The following NCOA2 variants were observed in gnomAD, a reference collection of about 807,000 sequenced individuals.
NCOA2 encodes the protein nuclear receptor coactivator 2, also known as class E basic helix-loop-helix protein 75.
In NCOA2, 21 loss-of-function variants were observed where a neutral mutation model predicts 145.1. The observed-to-expected ratio is 0.14, with a 90% CI of 0.10 to 0.21. NCOA2 has a LOEUF of 0.21. Ranked by LOEUF, NCOA2 falls within the 10% of genes least tolerant of loss-of-function variation. The pLI is 1.00. For synonymous variants in NCOA2, 619 were observed against 637.5 expected (o/e 0.97, Z 0.44); for missense variants, 1,472 against 1,837.6 (o/e 0.80, Z 3.64).
chr8:70,273,648 A>C (rs1273773401), intron 2 of NCOA2: 3 of 717,954 alleles, frequency 4.2e-6, no homozygotes, highest in Non-Finnish European at 7.6e-6. Context: ...GAGACAAAGC[A>C]GCTGACAGAA....
chr8:70,200,648 C>T (rs1021864357), intron 4 of NCOA2, among the ~76,000 whole-genome samples: 2 of 152,146 alleles, frequency 1.3e-5, no homozygotes, highest in African/African-American at 2.4e-5. Flanking sequence ...GGACATTACA[C>T]TAAGTGAAAT....
intron 1 of NCOA2, among the ~76,000 whole-genome samples, chr8:70,383,872 T>TG (rs1812437598): frequency 6.6e-6 from 1 of 152,356 alleles, no homozygotes; most frequent in Non-Finnish European, 1.5e-5. Flanking sequence ...GTTTATTCCT[T>TG]TGAACTTCAT....
intron 2 of NCOA2, among the ~76,000 whole-genome samples, chr8:70,268,573 C>G (rs1824797316): frequency 6.6e-6 from 1 of 152,032 alleles, no homozygotes. Context: ...CTATATAATG[C>G]TTAAGATTAT....
At chr8:70,326,471 A>G (rs1433885361) in intron 1 of NCOA2, among the ~76,000 whole-genome samples, 6 of 149,334 alleles carry the variant, frequency 4.0e-5, no homozygotes, top group East Asian at 3.9e-4. Context: ...ACACACACAC[A>G]TGCACACACA....
At chr8:70,420,843 C>G in the NCOA2 span, among the ~76,000 whole-genome samples, 1 of 152,090 alleles carries the variant, frequency 6.6e-6, no homozygotes, top group African/African-American at 2.4e-5. Context: ...CGGGGTTTCA[C>G]CATGTTGGCC....
chr8:70,153,887 A>G (rs1170345294), intron 11 of NCOA2, among the ~76,000 whole-genome samples: 4 of 152,246 alleles, frequency 2.6e-5, no homozygotes, highest in Non-Finnish European at 5.9e-5. Context: ...AGACGTTTAT[A>G]TAATTTGGCT....
At chr8:70,161,134 T>A (rs143277104) in intron 9 of NCOA2, among the ~76,000 whole-genome samples, 5 of 152,356 alleles carry the variant, frequency 3.3e-5, no homozygotes, top group African/African-American at 1.2e-4. Flanking sequence ...ATGTAACTGA[T>A]CATTCCTGAT....
chr8:70,362,831 A>C (rs1336258639), intron 1 of NCOA2, among the ~76,000 whole-genome samples: 1 of 152,130 alleles, frequency 6.6e-6, no homozygotes, highest in East Asian at 1.9e-4. Flanking sequence ...AAATCCCAGC[A>C]CCTTGGGAGG....
intron 2 of NCOA2, among the ~76,000 whole-genome samples, chr8:70,289,299 T>C (rs1344010584): frequency 6.6e-6 from 1 of 152,244 alleles, no homozygotes; most frequent in African/African-American, 2.4e-5. Flanking sequence ...CACTACTCTC[T>C]ATATTCTAGA....
At chr8:70,407,768 C>G (rs888097078), upstream of NCOA2, among the ~76,000 whole-genome samples, 1 of 152,128 alleles carries the variant, frequency 6.6e-6, no homozygotes, top group Non-Finnish European at 1.5e-5. Context: ...TGCACTACAG[C>G]CTGGTGACAG....
At chr8:70,395,881 C>G (rs1258857809) in intron 1 of NCOA2, among the ~76,000 whole-genome samples, 1 of 152,182 alleles carries the variant, frequency 6.6e-6, no homozygotes, top group Non-Finnish European at 1.5e-5. Flanking sequence ...AAATACCGTG[C>G]ATTATATTCT....
chr8:70,199,096 G>C (rs1321728923), intron 4 of NCOA2, among the ~76,000 whole-genome samples: 1 of 152,064 alleles, frequency 6.6e-6, no homozygotes, highest in African/African-American at 2.4e-5. Context: ...AGAAGAAAGG[G>C]CCAAGGTTTA....
intron 2 of NCOA2, among the ~76,000 whole-genome samples, chr8:70,245,716 T>C (rs960225748): frequency 1.3e-5 from 2 of 152,126 alleles, no homozygotes; most frequent in African/African-American, 4.8e-5. Flanking sequence ...GATCTGCTGC[T>C]AAAAATAAAT....
At chr8:70,171,389 A>C (rs1245897048) in intron 5 of NCOA2, among the ~76,000 whole-genome samples, 1 of 152,254 alleles carries the variant, frequency 6.6e-6, no homozygotes, top group East Asian at 1.9e-4. Context: ...CAGATTCCAA[A>C]GCTCATGCTT....
chr8:70,284,472 T>G (rs1326388975), intron 2 of NCOA2, among the ~76,000 whole-genome samples: 2 of 152,190 alleles, frequency 1.3e-5, no homozygotes, highest in African/African-American at 4.8e-5. Context: ...CCTCACTTTC[T>G]GAAGGTCTTT....
chr8:70,229,521 T>C (rs1028641581), intron 2 of NCOA2, among the ~76,000 whole-genome samples: 24 of 152,184 alleles, frequency 1.6e-4, no homozygotes, highest in Admixed American at 1.4e-3. Context: ...AGTGGTACAG[T>C]TACTAAAGAG....
chr8:70,441,782 GAGAAAGAAAGAA>G, the NCOA2 span, among the ~76,000 whole-genome samples: 88,147 of 138,882 alleles, frequency 0.63, 29,497 homozygotes, highest in Admixed American at 0.76. Flanking sequence ...AAAGAAAGAA[GAGAAAGAAAGAA>G]AGAAAGAAAG....
At chr8:70,401,890 T>C (rs960795644) in intron 1 of NCOA2, 10 of 152,234 alleles carry the variant, frequency 6.6e-5, no homozygotes, top group African/African-American at 9.7e-5. Context: ...TACTGCCACA[T>C]CCTAAAGTGG....
intron 2 of NCOA2, among the ~76,000 whole-genome samples, chr8:70,232,810 G>T (rs952473007): frequency 1.3e-5 from 2 of 150,768 alleles, no homozygotes; most frequent in Non-Finnish European, 2.9e-5. Flanking sequence ...CCTGTCTAAA[G>T]AATACAAAGG....
Sources: allele counts gnomAD v4.1 joint callset (sites outside exome capture counted in the v4.1 genomes callset), GRCh38; gene constraint gnomAD v4.1.1; transcripts MANE v1.5; gene names NCBI Gene and HGNC (gene_info 2026-07-23, HGNC 2026-07-21).